CNTRL: variants seen among roughly 807,000 people sequenced by gnomAD.
CNTRL encodes the protein 110 kDa centrosomal protein.
CNTRL carries 233 observed loss-of-function variants against 303.7 expected under a neutral mutation model. The observed-to-expected ratio is 0.77, with a 90% CI of 0.69 to 0.86. CNTRL has a LOEUF of 0.86. Among genes scored for constraint, CNTRL ranks in the 40% least tolerant of loss-of-function variants. CNTRL has a pLI of 0.00. For missense variants in CNTRL, 2,524 were observed against 2,650.6 expected (o/e 0.95, Z 1.05); for synonymous variants, 900 against 922.2 (o/e 0.98, Z 0.44).
intron 31 of CNTRL, among the ~76,000 whole-genome samples, chr9:121,159,575 G>A (rs573530097): frequency 2.6e-5 from 4 of 152,134 alleles, no homozygotes; most frequent in African/African-American, 9.6e-5. Flanking sequence ...GTTGGTTGCA[G>A]TGAGCCGAGA....
intron 19 of CNTRL, among the ~76,000 whole-genome samples, chr9:121,143,301 C>CTA (rs1379212094): frequency 6.6e-6 from 1 of 152,094 alleles, no homozygotes; most frequent in Non-Finnish European, 1.5e-5. Flanking sequence ...TTCTCTGATG[C>CTA]TAGACCCTTG....
At chr9:121,087,544 A>G (rs2048393149) in intron 2 of CNTRL, among the ~76,000 whole-genome samples, 1 of 152,152 alleles carries the variant, frequency 6.6e-6, no homozygotes. Context: ...TACAAAAATT[A>G]GCCGGGCATG....
At chr9:121,092,462 TATATA>T (rs1250390211) in intron 4 of CNTRL, among the ~76,000 whole-genome samples, 1 of 109,064 alleles carries the variant, frequency 9.2e-6, no homozygotes, top group Non-Finnish European at 1.9e-5. Flanking sequence ...TATCTATATA[TATATA>T]ATATATATCT....
intron 7 of CNTRL, among the ~76,000 whole-genome samples, chr9:121,099,612 A>T (rs1354044339): frequency 6.6e-6 from 1 of 152,232 alleles, no homozygotes; most frequent in Non-Finnish European, 1.5e-5. Flanking sequence ...AACTTCTCCG[A>T]GCTAAAGGAG....
At chr9:121,104,289 A>G (rs2132842657) in intron 7 of CNTRL, among the ~76,000 whole-genome samples, 1 of 152,230 alleles carries the variant, frequency 6.6e-6, no homozygotes, top group East Asian at 1.9e-4. Flanking sequence ...AAAACCAAAC[A>G]CCGCATGTTC....
chr9:121,112,377 C>G (rs898636209), intron 8 of CNTRL, 82 bp from the exon 9 acceptor site: 1 of 1,253,484 alleles, frequency 8.0e-7, no homozygotes, highest in Non-Finnish European at 1.1e-6. Flanking sequence ...TTATAACTTA[C>G]GATGAGAACT....
intron 4 of CNTRL, among the ~76,000 whole-genome samples, chr9:121,094,171 G>T (rs1381503426): frequency 1.4e-5 from 2 of 143,338 alleles, no homozygotes; most frequent in Non-Finnish European, 3.0e-5. Flanking sequence ...TAGTCTCTTA[G>T]TCCATTTTCT....
rs368496676 is a variant in CNTRL, at chr9:121,142,221, A to T, written c.2822A>T (p.Asp941Val). 1.9e-6 allele frequency: 3 copies of T among 1,611,770 alleles called. No individual in the cohort carries two copies. The highest frequency in any genetic ancestry group is 2.5e-6 in the Non-Finnish European group (3 of 1,179,378). ...ACAGATCTCCAACTTCAGGAAGCTG[A>T]TGAAGAGAAGGAGAGAATTCTGGCC... The part of the protein sequence containing the change: ...GLTDLQLQEA[D>V]EEKERILAQL... Residue 941 changes from aspartate to valine, a missense_variant, in exon 19 of 44, where the codon GAT becomes GTT. Asp to Val is a radical substitution (Grantham distance 152). Coordinates refer to ENST00000373855, the MANE Select transcript of CNTRL (RefSeq NM_007018.6).
At chr9:121,126,823 G>GT (rs2133559587) in intron 14 of CNTRL, among the ~76,000 whole-genome samples, 1 of 98,986 alleles carries the variant, frequency 1.0e-5, no homozygotes, top group Admixed American at 1.4e-4. Flanking sequence ...TTGTTTGTTT[G>GT]TTTTGGTTTT....
At chr9:121,135,739 T>C (rs900468728) in intron 14 of CNTRL, 67 bp from the exon 15 acceptor site, 1 of 1,438,360 alleles carries the variant, frequency 7.0e-7, no homozygotes, top group African/African-American at 1.4e-5. Context: ...AAGTTACTTA[T>C]AATGCCTTGC....
chr9:121,143,498 G>A (rs1321880284), intron 19 of CNTRL, among the ~76,000 whole-genome samples: 1 of 152,098 alleles, frequency 6.6e-6, no homozygotes. Flanking sequence ...AAGCCTACGA[G>A]GCCTACATGA....
chr9:121,114,643 A>G (rs2049897913), intron 10 of CNTRL, among the ~76,000 whole-genome samples: 2 of 152,208 alleles, frequency 1.3e-5, no homozygotes, highest in African/African-American at 4.8e-5. Context: ...GATCATCAAC[A>G]GCTGGGAGAG....
chr9:121,167,413 A>T, intron 36 of CNTRL, 76 bp from the exon 37 acceptor site: 2 of 1,143,056 alleles, frequency 1.7e-6, no homozygotes, highest in Non-Finnish European at 2.5e-6. Context: ...CAGACTTAGT[A>T]GATACTGGAT....
At chr9:121,169,917 C>G in intron 39 of CNTRL, 101 bp downstream of exon 39, 2 of 959,540 alleles carry the variant, frequency 2.1e-6, no homozygotes, top group South Asian at 3.1e-5. Context: ...ACCCATCAAC[C>G]CAGTCCTGAA....
chr9:121,168,054 T>A, intron 37 of CNTRL, 42 bp from the exon 38 acceptor site: 1 of 1,543,452 alleles, frequency 6.5e-7, no homozygotes, highest in Non-Finnish European at 8.9e-7. Context: ...TCTGGGACAC[T>A]ATTTGTTGTT....
chr9:121,077,027 G>C (rs2047952274), intron 1 of CNTRL, among the ~76,000 whole-genome samples: 1 of 152,048 alleles, frequency 6.6e-6, no homozygotes, highest in African/African-American at 2.4e-5. Context: ...GTTAGGAAAG[G>C]CTGGATGGAG....
intron 7 of CNTRL, among the ~76,000 whole-genome samples, chr9:121,098,829 CAAA>C (rs66692307): frequency 7.0e-6 from 1 of 142,562 alleles, no homozygotes; most frequent in Non-Finnish European, 1.5e-5. Flanking sequence ...AGAAGACAGA[CAAA>C]AAAAAAAACA....
intron 14 of CNTRL, among the ~76,000 whole-genome samples, chr9:121,134,110 A>G (rs73660404): frequency 2.5e-3 from 375 of 152,232 alleles, no homozygotes; most frequent in African/African-American, 8.7e-3. Flanking sequence ...ATTTTGATTT[A>G]TTTATTTTCT....
At position 121,127,298 on chromosome 9, in the gene CNTRL, A is replaced by G. The variant is rs975805943; in HGVS notation, c.2025+1362A>G. On this transcript the variant is annotated intron_variant, in intron 14 of 43. Coordinates refer to ENST00000373855, the MANE Select transcript of CNTRL (RefSeq NM_007018.6). ...TATTGCAAACAATGCTGAGCATAACATTCCTGCACACATCTTGAACACATG... is the reference window on the plus strand; with the variant it reads ...TATTGCAAACAATGCTGAGCATAACGTTCCTGCACACATCTTGAACACATG... Among the ~76,000 whole-genome samples the G allele has an allele frequency of 6.8e-4, 103 of 152,182 alleles. 6 individuals are homozygous for G. The highest frequency in any genetic ancestry group is 1.0e-4 in the Non-Finnish European group (7 of 68,038).
Sources: allele counts gnomAD v4.1 joint callset (sites outside exome capture counted in the v4.1 genomes callset), GRCh38; gene constraint gnomAD v4.1.1; transcripts MANE v1.5; gene names NCBI Gene and HGNC (gene_info 2026-07-23, HGNC 2026-07-21).